Variants in PRKG1 observed in about 807,000 individuals in gnomAD.
The protein encoded by PRKG1 is cGMP-dependent protein kinase 1.
PRKG1 carries 35 observed loss-of-function variants against 88.1 expected under a neutral mutation model. The ratio of observed to expected loss-of-function variants is 0.40; its 90% CI spans 0.30 to 0.53. The LOEUF is 0.53. PRKG1 is among the 20% of genes least tolerant of loss of function. The pLI is 0.59. For missense variants in PRKG1, 540 were observed against 839.8 expected (o/e 0.64, Z 4.41); for synonymous variants, 303 against 292.5 (o/e 1.04, Z -0.37).
chr10:52,081,550 T>G (rs1301288102), intron 7 of PRKG1: 1 of 455,378 alleles, frequency 2.2e-6, no homozygotes, highest in Non-Finnish European at 4.4e-6. Context: ...ATTTGATTGA[T>G]TAATCATAAT....
rs374604600 is a variant in PRKG1, at chr10:51,363,116, T to C, written c.479-104607T>C. ...ATCTCAGATGTTCTTATTTTTTAAA[T>C]GTCCTTATATGAATCTAATGTATAA... On this transcript the variant is annotated intron_variant, in intron 2 of 17. Coordinates refer to ENST00000373980, the MANE Select transcript of PRKG1 (RefSeq NM_006258.4). Among the ~76,000 whole-genome samples the C allele has an allele frequency of 2.0e-5, 3 of 151,960 alleles. No homozygotes were observed. In the East Asian group the frequency reaches 5.8e-4, roughly 30 times the overall value.
At chr10:51,680,679 A>G (rs1173422967) in intron 3 of PRKG1, among the ~76,000 whole-genome samples, 1 of 152,332 alleles carries the variant, frequency 6.6e-6, no homozygotes, top group East Asian at 1.9e-4. Flanking sequence ...CTATAGTACT[A>G]TGGTGCTACA....
At chr10:51,522,186 T>C (rs1198926255) in intron 3 of PRKG1, among the ~76,000 whole-genome samples, 1 of 152,166 alleles carries the variant, frequency 6.6e-6, no homozygotes, top group Non-Finnish European at 1.5e-5. Context: ...TATATAACCA[T>C]TAAGCTTTGG....
chr10:51,609,829 G>A lies in PRKG1; in HGVS notation c.592+141993G>A, dbSNP rs148425629. Among the ~76,000 whole-genome samples, 443 of 152,142 alleles carry A rather than the reference G, an allele frequency of 2.9e-3. 5 individuals are homozygous for A. Among genetic ancestry groups the A allele is most frequent in the South Asian group, 0.022 (107 of 4,822 alleles). On this transcript the variant is annotated intron_variant, in intron 3 of 17. Transcript: ENST00000373980. Reference sequence around the variant, plus strand: ...AGGGAGGGGAACAACACACACTGGGGCCTGTCAGGGATTATGGTAGGGGAA... The same window carrying A: ...AGGGAGGGGAACAACACACACTGGGACCTGTCAGGGATTATGGTAGGGGAA...
chr10:51,652,842 G>A (rs1175920484), intron 3 of PRKG1, among the ~76,000 whole-genome samples: 5 of 152,090 alleles, frequency 3.3e-5, no homozygotes, highest in Non-Finnish European at 7.4e-5. Context: ...CTGTCTAATT[G>A]AAACTTTGAG....
rs569938631 is a variant in PRKG1 at position 51,839,141 on chromosome 10, TTTATTA to T, written c.698+34457_698+34462del. 2.2e-4 allele frequency among the ~76,000 whole-genome samples: 31 copies of T among 143,516 alleles called. No individual in the cohort carries two copies. In the South Asian group the frequency reaches 6.7e-3, roughly 31 times the overall value. 94.2% of individuals were successfully genotyped at this position (143,516 alleles called of 152,430 possible). ...GACCATTACCATAAGGAAGAGCTAC[TTTATTA>T]TTATTTTTTTAACAGTTGGTTGAGC... On this transcript the variant is annotated intron_variant, in intron 4 of 17. Transcript: ENST00000373980.
At chr10:51,638,121 T>G (rs965340759) in intron 3 of PRKG1, among the ~76,000 whole-genome samples, 1 of 152,192 alleles carries the variant, frequency 6.6e-6, no homozygotes, top group South Asian at 2.1e-4. Context: ...AAAATTCTAT[T>G]GGCTAGTACT....
At chr10:52,110,309 G>A (rs546311523) in intron 7 of PRKG1, among the ~76,000 whole-genome samples, 16 of 152,262 alleles carry the variant, frequency 1.1e-4, no homozygotes, top group African/African-American at 2.9e-4. Flanking sequence ...TCCAGCCTGC[G>A]TGAAAGTGCG....
intron 1 of PRKG1, among the ~76,000 whole-genome samples, chr10:51,152,898 G>C (rs1276250590): frequency 6.7e-6 from 1 of 149,572 alleles, no homozygotes; most frequent in Non-Finnish European, 1.5e-5. Context: ...AAATGGACTT[G>C]TATGATTTTG....
At chr10:51,272,715 G>C (rs987549320) in intron 2 of PRKG1, among the ~76,000 whole-genome samples, 1 of 152,096 alleles carries the variant, frequency 6.6e-6, no homozygotes, top group South Asian at 2.1e-4. Context: ...TCTTAGTCTT[G>C]GAAATCTCAA....
chr10:51,842,105 G>T (rs1355905286), intron 4 of PRKG1, among the ~76,000 whole-genome samples: 1 of 152,152 alleles, frequency 6.6e-6, no homozygotes, highest in African/African-American at 2.4e-5. Flanking sequence ...GGATTCCCTC[G>T]CTGGCTAAGT....
rs1240660421 is a variant in PRKG1, at chr10:52,295,915, A to G, written c.*2015A>G. On this transcript the variant is annotated 3_prime_UTR_variant, in exon 18 of 18. Transcript: ENST00000373980. ...ATTTTTGGAGTTTTCCGTCCCTTAC[A>G]ATTTCTCCAAATTGGTCTATTCCCC... 2 of 151,994 alleles carry G rather than the reference A, an allele frequency of 1.3e-5. No homozygotes were observed. The highest frequency in any genetic ancestry group is 2.4e-5 in the African/African-American group (1 of 41,436). 9.4% of individuals were successfully genotyped at this position (151,994 alleles called of 1,614,324 possible).
intron 3 of PRKG1, among the ~76,000 whole-genome samples, chr10:51,614,949 A>G (rs1329023275): frequency 6.7e-6 from 1 of 148,876 alleles, no homozygotes; most frequent in African/African-American, 2.5e-5. Flanking sequence ...GAATATATTC[A>G]ACTTTGAATA....
At chr10:51,639,436 C>CAAAAAAAAAAA (rs769304908) in intron 3 of PRKG1, among the ~76,000 whole-genome samples, 5 of 31,796 alleles carry the variant, frequency 1.6e-4, no homozygotes, top group African/African-American at 9.2e-4. Flanking sequence ...GACTCCATCT[C>CAAAAAAAAAAA]AAAAAAAAAA....
At chr10:52,059,719 A>T (rs1168527386) in intron 6 of PRKG1, among the ~76,000 whole-genome samples, 1 of 151,862 alleles carries the variant, frequency 6.6e-6, no homozygotes, top group African/African-American at 2.4e-5. Flanking sequence ...AGACAAATCT[A>T]TCCATGTGTT....
intron 3 of PRKG1, among the ~76,000 whole-genome samples, chr10:51,638,861 A>G (rs1268940357): frequency 1.3e-5 from 2 of 152,188 alleles, no homozygotes; most frequent in African/African-American, 4.8e-5. Context: ...AATAAAAAGG[A>G]TATACTCATT....
intron 3 of PRKG1, among the ~76,000 whole-genome samples, chr10:51,684,775 G>T (rs6480414): frequency 0.17 from 26,229 of 152,070 alleles, 2,554 homozygotes; most frequent in African/African-American, 0.25. Context: ...ACTGAGGTGG[G>T]AGGATCGCTT....
chr10:51,719,461 G>A (rs910633818), intron 3 of PRKG1, among the ~76,000 whole-genome samples: 2 of 152,012 alleles, frequency 1.3e-5, no homozygotes, highest in South Asian at 2.1e-4. Context: ...CAAATTGAGG[G>A]ACATTATACA....
At chr10:51,236,260 G>A (rs1258561582) in intron 2 of PRKG1, among the ~76,000 whole-genome samples, 2 of 152,072 alleles carry the variant, frequency 1.3e-5, no homozygotes, top group Non-Finnish European at 2.9e-5. Flanking sequence ...ACCCTTAACT[G>A]CTGACCTTAA....
Sources: gnomAD v4.1 joint callset for allele counts (sites outside exome capture counted in the v4.1 genomes callset) on GRCh38, gnomAD v4.1.1 for gene constraint, MANE v1.5 for transcripts, NCBI Gene and HGNC (gene_info 2026-07-23, HGNC 2026-07-21) for gene names.